Variants in NRXN3 observed in about 807,000 individuals in gnomAD.
The protein encoded by NRXN3 is neurexin III.
In NRXN3, 32 loss-of-function variants were observed where a neutral mutation model predicts 137.6. The observed-to-expected ratio is 0.23, with a 90% CI of 0.18 to 0.31. The LOEUF is 0.31. Among genes scored for constraint, NRXN3 ranks in the 10% least tolerant of loss-of-function variants. The pLI, the probability that NRXN3 is intolerant of heterozygous loss-of-function variation, is 1.00. For synonymous variants in NRXN3, 798 were observed against 784.5 expected (o/e 1.02, Z -0.29); for missense variants, 1,574 against 2,062.5 (o/e 0.76, Z 4.59).
chr14:79,693,071 A>G (rs1180003091), intron 18 of NRXN3, among the ~76,000 whole-genome samples: 1 of 152,068 alleles, frequency 6.6e-6, no homozygotes, highest in Non-Finnish European at 1.5e-5. Context: ...AAAAGAGGGC[A>G]GCGGTTATAA....
At chr14:78,361,900 C>CTG (rs2085176406) in intron 4 of NRXN3, among the ~76,000 whole-genome samples, 6 of 2,914 alleles carry the variant, frequency 2.1e-3, no homozygotes, top group African/African-American at 2.2e-3. Flanking sequence ...TAAGAAGAAA[C>CTG]TAGGCCGGGC....
chr14:78,484,912 GATA>G (rs1362505576), intron 4 of NRXN3, among the ~76,000 whole-genome samples: 11 of 152,180 alleles, frequency 7.2e-5, no homozygotes, highest in African/African-American at 2.7e-4. Context: ...GTCCGGATAT[GATA>G]ATGACTGTGA....
At chr14:79,455,143 C>T (rs1044581907) in intron 15 of NRXN3, among the ~76,000 whole-genome samples, 12 of 152,198 alleles carry the variant, frequency 7.9e-5, no homozygotes, top group Admixed American at 7.9e-4. Context: ...TTTCATAGTT[C>T]TGGCGGCTGA....
chr14:79,764,776 G>C (rs2099050583), intron 19 of NRXN3, among the ~76,000 whole-genome samples: 1 of 151,984 alleles, frequency 6.6e-6, no homozygotes, highest in African/African-American at 2.4e-5. Context: ...ACTTTATCTA[G>C]GCCAAAAAAA....
intron 4 of NRXN3, among the ~76,000 whole-genome samples, chr14:78,447,937 AT>A (rs2094458841): frequency 6.6e-6 from 1 of 152,202 alleles, no homozygotes; most frequent in African/African-American, 2.4e-5. Flanking sequence ...TGTCATTGTT[AT>A]TCCCTGACAT....
intron 10 of NRXN3, among the ~76,000 whole-genome samples, chr14:78,941,392 C>T (rs1214705777): frequency 1.3e-5 from 2 of 152,180 alleles, no homozygotes; most frequent in Non-Finnish European, 2.9e-5. Context: ...CCTTTCCTTA[C>T]CCGTGGTGCT....
intron 17 of NRXN3, among the ~76,000 whole-genome samples, chr14:79,678,156 T>G (rs2098650818): frequency 6.6e-6 from 1 of 152,038 alleles, no homozygotes; most frequent in South Asian, 2.1e-4. Flanking sequence ...CCTACTCCAC[T>G]GGCCCCTGCA....
chr14:78,785,370 T>A (rs147620063), intron 8 of NRXN3, among the ~76,000 whole-genome samples: 1 of 152,264 alleles, frequency 6.6e-6, no homozygotes, highest in Non-Finnish European at 1.5e-5. Flanking sequence ...CTATGTACCC[T>A]CTACTTTCTA....
chr14:78,735,751 T>C (rs542141385), intron 8 of NRXN3, among the ~76,000 whole-genome samples: 1 of 152,320 alleles, frequency 6.6e-6, no homozygotes, highest in South Asian at 2.1e-4. Flanking sequence ...TTTAGGGGTT[T>C]CAAAGTCTTC....
chr14:79,790,760 A>T (rs1221417897), intron 19 of NRXN3, among the ~76,000 whole-genome samples: 1 of 151,470 alleles, frequency 6.6e-6, no homozygotes, highest in African/African-American at 2.4e-5. Flanking sequence ...ATCTGGGATT[A>T]TAGATGCATG....
At chr14:79,094,170 A>T (rs971269806) in intron 15 of NRXN3, among the ~76,000 whole-genome samples, 1 of 152,188 alleles carries the variant, frequency 6.6e-6, no homozygotes, top group Non-Finnish European at 1.5e-5. Context: ...AGAAATGGTT[A>T]GAAGGGGACA....
At chr14:78,983,256 A>G (rs1487960241) in intron 14 of NRXN3, among the ~76,000 whole-genome samples, 2 of 152,212 alleles carry the variant, frequency 1.3e-5, no homozygotes, top group African/African-American at 4.8e-5. Flanking sequence ...GAAAACTAAA[A>G]ATAGAATTAC....
chr14:78,558,136 A>C (rs2096755652), intron 4 of NRXN3, among the ~76,000 whole-genome samples: 1 of 152,282 alleles, frequency 6.6e-6, no homozygotes, highest in South Asian at 2.1e-4. Flanking sequence ...TGTAAGAAAG[A>C]CTGGCTAATC....
chr14:79,750,651 C>G (rs1256168135), intron 19 of NRXN3, among the ~76,000 whole-genome samples: 1 of 152,116 alleles, frequency 6.6e-6, no homozygotes, highest in African/African-American at 2.4e-5. Flanking sequence ...AGCCTCCCCA[C>G]CCAATCAGGG....
At chr14:79,448,483 C>T (rs2096106099) in intron 15 of NRXN3, among the ~76,000 whole-genome samples, 1 of 152,096 alleles carries the variant, frequency 6.6e-6, no homozygotes, top group South Asian at 2.1e-4. Flanking sequence ...CTTTTCAGTA[C>T]CCAGAAAAGG....
At chr14:79,006,526 A>AT (rs1352062086) in intron 15 of NRXN3, among the ~76,000 whole-genome samples, 1 of 152,104 alleles carries the variant, frequency 6.6e-6, no homozygotes, top group East Asian at 1.9e-4. Context: ...AATTTACTCC[A>AT]TTTTTAACTT....
chr14:78,878,854 C>G (rs2099120438), intron 10 of NRXN3, among the ~76,000 whole-genome samples: 1 of 151,920 alleles, frequency 6.6e-6, no homozygotes, highest in African/African-American at 2.4e-5. Context: ...CTAATCCCAC[C>G]CGCCTACACC....
chr14:78,248,389 G>C (rs1193300061), intron 2 of NRXN3, among the ~76,000 whole-genome samples: 1 of 144,026 alleles, frequency 6.9e-6, no homozygotes, highest in Non-Finnish European at 1.5e-5. Flanking sequence ...ACACCACTGT[G>C]TGGCCTTCGC....
At position 79,408,655 on chromosome 14, in the gene NRXN3, A is replaced by T. The variant is rs115698949; in HGVS notation, c.3263-58566A>T. On this transcript the variant is annotated intron_variant, in intron 15 of 20. Transcript: ENST00000335750. ...AGATGAAAATGTTTGCATTTTAGACACTCCAAATACAGATATAAAAACTTT... is the reference window on the plus strand; with the variant it reads ...AGATGAAAATGTTTGCATTTTAGACTCTCCAAATACAGATATAAAAACTTT... Among the ~76,000 whole-genome samples, 841 of 152,020 alleles carry T rather than the reference A, an allele frequency of 5.5e-3. 9 individuals are homozygous for T. Among genetic ancestry groups the T allele is most frequent in the African/African-American group, 0.019 (791 of 41,484 alleles).
Sources: gnomAD v4.1 joint callset for allele counts (sites outside exome capture counted in the v4.1 genomes callset) on GRCh38, gnomAD v4.1.1 for gene constraint, MANE v1.5 for transcripts, NCBI Gene and HGNC (gene_info 2026-07-23, HGNC 2026-07-21) for gene names.